KRR1: variants seen among roughly 807,000 people sequenced by gnomAD.
The protein encoded by KRR1 is KRR1 small subunit processome component, also known as KRR1 small subunit processome component homolog.
In KRR1, 23 loss-of-function variants were observed where a neutral mutation model predicts 50.0. That is an observed-to-expected ratio of 0.46 (90% CI 0.33 to 0.65). The LOEUF (loss-of-function observed/expected upper bound fraction) is 0.65. Among genes scored for constraint, KRR1 ranks in the 30% least tolerant of loss-of-function variants. The pLI, the probability that KRR1 is intolerant of heterozygous loss-of-function variation, is 0.02. For missense variants in KRR1, 419 were observed against 442.4 expected (o/e 0.95, Z 0.47); for synonymous variants, 133 against 146.3 (o/e 0.91, Z 0.66).
chr12:75,511,125 C>CA (rs2046446318), intron 1 of KRR1, among the ~76,000 whole-genome samples: 2 of 152,308 alleles, frequency 1.3e-5, no homozygotes, highest in South Asian at 4.1e-4. Context: ...ACCCCATTAT[C>CA]AGGGTCCACT....
chr12:75,507,347 A>G (rs74108836), intron 2 of KRR1, among the ~76,000 whole-genome samples: 1,759 of 152,268 alleles, frequency 0.012, 28 homozygotes, highest in African/African-American at 0.04. Context: ...TAATTAGGGG[A>G]CTAAATACAA....
chr12:75,503,797 A>C (rs1488360874), intron 7 of KRR1, 107 bp downstream of exon 7: 8 of 767,910 alleles, frequency 1.0e-5, no homozygotes, highest in African/African-American at 3.5e-5. Context: ...CACACACACA[A>C]TATATATATA....
rs543373598 is a variant in KRR1 at position 75,497,261 on chromosome 12, A to T, written c.*2548T>A. On this transcript the variant is annotated 3_prime_UTR_variant, in exon 10 of 10. Coordinates refer to ENST00000229214, the MANE Select transcript of KRR1 (RefSeq NM_007043.7). ...CTACCACCACCACAATGACAAAAAT[A>T]CTTCTGGTTTTAGCTTTTGATCTTT... 6.6e-6 allele frequency: 1 copy of T among 152,296 alleles called. No homozygotes were observed. The highest frequency in any genetic ancestry group is 2.1e-4 in the South Asian group (1 of 4,828). 9.4% of individuals were successfully genotyped at this position (152,296 alleles called of 1,614,324 possible).
intron 1 of KRR1, among the ~76,000 whole-genome samples, chr12:75,509,586 CTTTT>C (rs895198427): frequency 7.6e-6 from 1 of 131,254 alleles, no homozygotes; most frequent in African/African-American, 2.9e-5. Context: ...ATACACATTT[CTTTT>C]TTTTTTTTTT....
Position 75,499,596 on chromosome 12 carries a change from G to A in KRR1, c.*213C>T. ...AATGGATAATCACAATGGTCGTAAT[G>A]TATACAAAGACTTATATACCACTTT... On this transcript the variant is annotated 3_prime_UTR_variant, in exon 10 of 10. Coordinates refer to ENST00000229214, the MANE Select transcript of KRR1 (RefSeq NM_007043.7). The A allele has an allele frequency of 3.5e-6, 1 of 289,566 alleles. No individual in the cohort carries two copies. The highest frequency in any genetic ancestry group is 6.1e-6 in the Non-Finnish European group (1 of 163,340). The allele number at this position is 289,566 out of a possible 1,614,324, so 17.9% of individuals were successfully genotyped here.
chr12:75,506,616 C>CAAAAA lies in KRR1; in HGVS notation c.394-12_394-8dup, dbSNP rs35071517. The CAAAAA allele has an allele frequency of 2.7e-3, 3,667 of 1,366,934 alleles. 56 individuals carry two copies. The highest frequency in any genetic ancestry group is 5.7e-3 in the South Asian group (371 of 64,650). The allele number at this position is 1,366,934 out of a possible 1,614,324, so 84.7% of individuals were successfully genotyped here. A position where few individuals can be genotyped will look rare whatever the true frequency, so the allele number is the denominator to read the frequency against. On this transcript the variant is annotated splice_polypyrimidine_tract_variant and splice_region_variant and intron_variant, in intron 3 of 9. Transcript: ENST00000229214. ...CCTGAAGAATTCGTACTGCCTTTTGCAAAAAAAAAAAAAAAAAGAAGACAT... is the reference window on the plus strand; with the variant it reads ...CCTGAAGAATTCGTACTGCCTTTTGCAAAAAAAAAAAAAAAAAAAAAAGAAGACAT...
chr12:75,506,316 CT>C lies in KRR1; in HGVS notation c.602del (p.Glu201GlyfsTer5). 6.3e-7 allele frequency: 1 copy of C among 1,590,150 alleles called. No individual in the cohort carries two copies. Among genetic ancestry groups the C allele is most frequent in the Non-Finnish European group, 8.6e-7 (1 of 1,161,472 alleles). On this transcript the variant is annotated frameshift_variant and splice_region_variant, in exon 5 of 10. Transcript: ENST00000229214. LOFTEE classifies it high-confidence loss of function. Reference protein sequence around the residue: ...SAIGPFSGLKEVRKVVLDTMK... With the variant: ...SAIGPFSGLKXVRKVVLDTMK... ...ATCGAAGATAATACATAGTTCTCAC[CT>C]CTTTTAAGCCACTAAAAGGTCCAAT...
Position 75,505,543 on chromosome 12 carries a change from T to C in KRR1, c.604-289A>G, listed in dbSNP as rs922234093. ...AGGAAGAGGGCTGGAATACAAGGAC[T>C]GCCACTGCATACAGGAAAATCACTT... On this transcript the variant is annotated intron_variant, in intron 5 of 9. Coordinates refer to ENST00000229214, the MANE Select transcript of KRR1 (RefSeq NM_007043.7). 5.3e-5 allele frequency among the ~76,000 whole-genome samples: 8 copies of C among 152,190 alleles called. No individual in the cohort carries two copies. In the South Asian group the frequency reaches 1.7e-3, roughly 32 times the overall value.
Position 75,499,939 on chromosome 12 carries a change from G to T in KRR1, c.1016C>A (p.Thr339Asn). The T allele has an allele frequency of 6.3e-7, 1 of 1,599,482 alleles. No individual in the cohort carries two copies. The part of the protein sequence containing the change: ...IVKPKEASTE[T>N]KIDVASIKEK... ...CTTGATGCTGGCCACATCAATTTTA[G>T]TTTCAGTAGAAGCTAGACAAATTAA... Residue 339 changes from threonine (T) to asparagine (N), a missense_variant, in exon 10 of 10, where the codon ACT (threonine) becomes AAT (asparagine). Physicochemically the swap from Thr to Asn is moderately conservative, Grantham distance 65 (BLOSUM62 0). Transcript: ENST00000229214.
Position 75,491,233 on chromosome 12 carries a change from T to C in KRR1, c.*8576A>G, listed in dbSNP as rs906308347. 2 of 152,214 alleles carry C rather than the reference T, an allele frequency of 1.3e-5. No homozygotes were observed. The highest frequency in any genetic ancestry group is 2.4e-5 in the African/African-American group (1 of 41,456). The allele number at this position is 152,214 out of a possible 1,614,324, so 9.4% of individuals were successfully genotyped here. A position where few individuals can be genotyped will look rare whatever the true frequency, so the allele number is the denominator to read the frequency against. On this transcript the variant is annotated 3_prime_UTR_variant, in exon 10 of 10. Transcript: ENST00000229214. ...CACTGTTAAAGTGCTTCACATATAT[T>C]AACTTAATCTTCACCAGAAGTTTAT...
intron 6 of KRR1, 68 bp from the exon 7 acceptor site, chr12:75,504,142 A>G: frequency 9.2e-7 from 1 of 1,086,196 alleles, no homozygotes; most frequent in Non-Finnish European, 1.3e-6. Context: ...CTCAGACATT[A>G]TAAATATTGC....
rs1405105969 is a variant in KRR1, at chr12:75,493,013, G to A, written c.*6796C>T. On this transcript the variant is annotated 3_prime_UTR_variant, in exon 10 of 10. Coordinates refer to ENST00000229214, the MANE Select transcript of KRR1 (RefSeq NM_007043.7). ...ACTTCTGGAACAGCTGTCTAGTGGAGAAAAGAACAGCAAAACTTCCGTGAA... is the reference window on the plus strand; with the variant it reads ...ACTTCTGGAACAGCTGTCTAGTGGAAAAAAGAACAGCAAAACTTCCGTGAA... 1 of 152,202 alleles carries A rather than the reference G, an allele frequency of 6.6e-6. No individual in the cohort carries two copies. The highest frequency in any genetic ancestry group is 1.5e-5 in the Non-Finnish European group (1 of 68,042). 9.4% of individuals were successfully genotyped at this position (152,202 alleles called of 1,614,324 possible).
intron 9 of KRR1, 85 bp from the exon 10 acceptor site, chr12:75,500,036 G>C: frequency 9.9e-7 from 1 of 1,014,514 alleles, no homozygotes; most frequent in Non-Finnish European, 1.4e-6. Context: ...AAGAATATAT[G>C]TTTAAGGCAG....
rs554528562 is a variant in KRR1, at chr12:75,498,844, C to T, written c.*965G>A. On this transcript the variant is annotated 3_prime_UTR_variant, in exon 10 of 10. Transcript: ENST00000229214. ...CACAGGTTACTACTCTGTTGTATAT[C>T]CAGGCTGGCCCATATATCCACGTAA... The T allele has an allele frequency of 1.0e-4, 162 of 1,612,182 alleles. 1 individual carries two copies. In the East Asian group the frequency reaches 3.5e-3, roughly 34 times the overall value.
rs897276343 is a variant in KRR1 at position 75,498,339 on chromosome 12, A to G, written c.*1470T>C. 1 of 174,026 alleles carries G rather than the reference A, an allele frequency of 5.7e-6. No individual in the cohort carries two copies. The highest frequency in any genetic ancestry group is 1.2e-5 in the Non-Finnish European group (1 of 82,734). 10.8% of individuals were successfully genotyped at this position (174,026 alleles called of 1,614,324 possible). A position where few individuals can be genotyped will look rare whatever the true frequency, so the allele number is the denominator to read the frequency against. Reference sequence around the variant, plus strand: ...ATAAACAGTATCATTCTTCTCAGGAAGAAACTTATTTTTAGAACTATATTT... The same window carrying G: ...ATAAACAGTATCATTCTTCTCAGGAGGAAACTTATTTTTAGAACTATATTT... On this transcript the variant is annotated 3_prime_UTR_variant, in exon 10 of 10. Coordinates refer to ENST00000229214, the MANE Select transcript of KRR1 (RefSeq NM_007043.7).
intron 2 of KRR1, among the ~76,000 whole-genome samples, chr12:75,507,410 A>G (rs1175565052): frequency 6.6e-6 from 1 of 152,226 alleles, no homozygotes; most frequent in Non-Finnish European, 1.5e-5. Flanking sequence ...AGAAAACTTA[A>G]GCATTAACTT....
At chr12:75,503,845 CTGACCA>C in intron 7 of KRR1, 53 bp downstream of exon 7, 1 of 1,448,090 alleles carries the variant, frequency 6.9e-7, no homozygotes, top group Non-Finnish European at 9.4e-7. Context: ...AATAAAGTTT[CTGACCA>C]AATACATTAA....
chr12:75,509,586 CTTT>C (rs895198427), intron 1 of KRR1, among the ~76,000 whole-genome samples: 10 of 131,234 alleles, frequency 7.6e-5, no homozygotes, highest in Non-Finnish European at 8.1e-5. Flanking sequence ...ATACACATTT[CTTT>C]TTTTTTTTTT....
At chr12:75,507,451 G>A (rs910618315) in intron 2 of KRR1, among the ~76,000 whole-genome samples, 2 of 151,992 alleles carry the variant, frequency 1.3e-5, no homozygotes, top group African/African-American at 4.8e-5. Flanking sequence ...TCAACAAAGC[G>A]AATTAAAATG....
Sources: allele counts gnomAD v4.1 joint callset (sites outside exome capture counted in the v4.1 genomes callset), GRCh38; gene constraint gnomAD v4.1.1; transcripts MANE v1.5; gene names NCBI Gene and HGNC (gene_info 2026-07-23, HGNC 2026-07-21).